WLS: variants seen among roughly 807,000 people sequenced by gnomAD.
WLS encodes protein wntless homolog.
A neutral mutation model predicts 62.8 loss-of-function variants in WLS; 23 were observed. That is an observed-to-expected ratio of 0.37 (90% CI 0.26 to 0.52). The LOEUF (loss-of-function observed/expected upper bound fraction) is 0.52. WLS is among the 20% of genes least tolerant of loss of function. The probability of loss-of-function intolerance (pLI) is 0.92; values close to 1 mark genes in which losing one functional copy is unlikely to be tolerated. For synonymous variants in WLS, 246 were observed against 244.1 expected, an observed-to-expected ratio of 1.01 and a Z score of -0.07; for missense variants, 615 against 697.3, an observed-to-expected ratio of 0.88 and a Z score of 1.33.
intron 1 of WLS, among the ~76,000 whole-genome samples, chr1:68,215,984 A>G (rs1056777196): frequency 1.3e-5 from 2 of 152,186 alleles, no homozygotes; most frequent in African/African-American, 4.8e-5. Flanking sequence ...GCAGGCTAAA[A>G]TGTGTTGAAT....
At chr1:68,193,316 C>T (rs936133198) in intron 2 of WLS, among the ~76,000 whole-genome samples, 11 of 135,668 alleles carry the variant, frequency 8.1e-5, no homozygotes, top group Non-Finnish European at 1.7e-4. Context: ...ATGTATTGGC[C>T]TCCCAGAAAT....
intron 1 of WLS, among the ~76,000 whole-genome samples, chr1:68,228,842 C>CAAAAAAAAAAAAAAAAAAA (rs66626696): frequency 4.7e-4 from 27 of 58,030 alleles, no homozygotes; most frequent in Admixed American, 7.1e-4. Flanking sequence ...ACACTGGTGC[C>CAAAAAAAAAAAAAAAAAAA]AAAAAAAAAA....
chr1:68,155,667 T>C (rs1276372661), intron 3 of WLS, among the ~76,000 whole-genome samples: 1 of 152,170 alleles, frequency 6.6e-6, no homozygotes, highest in Non-Finnish European at 1.5e-5. Flanking sequence ...ACAGTCAGCT[T>C]CTTAAACGTT....
intron 11 of WLS, among the ~76,000 whole-genome samples, chr1:68,136,961 G>A (rs994626426): frequency 4.6e-5 from 7 of 152,234 alleles, no homozygotes; most frequent in Admixed American, 3.3e-4. Context: ...GCAAATGCAT[G>A]GCTAGAGTAA....
intron 11 of WLS, among the ~76,000 whole-genome samples, chr1:68,136,782 T>A (rs1351077470): frequency 2.0e-5 from 3 of 152,186 alleles, no homozygotes; most frequent in African/African-American, 7.2e-5. Flanking sequence ...TAGTCCCAGA[T>A]GGAGGCAGAA....
intron 1 of WLS, among the ~76,000 whole-genome samples, chr1:68,226,088 C>T (rs1650127504): frequency 2.0e-5 from 3 of 152,304 alleles, no homozygotes; most frequent in Non-Finnish European, 4.4e-5. Context: ...CAGCTGGACT[C>T]CATTTCATTT....
Position 68,137,784 on chromosome 1 carries a change from G to A in WLS, c.1512C>T (p.Ser504=), listed in dbSNP as rs1477966843. 6.2e-7 allele frequency: 1 copy of A among 1,613,496 alleles called. No homozygotes were observed. Among genetic ancestry groups the A allele is most frequent in the Non-Finnish European group, 8.5e-7 (1 of 1,179,732 alleles). ...PSHKNYGEDQ[S]NGDLGVHSGE... is the part of the protein sequence containing the mutation. Reference sequence around the variant, plus strand: ...TCTAAAGAGACAGAAACTCACCATTGGACTGGTCTTCTCCATAGTTTTTAT... The same window carrying A: ...TCTAAAGAGACAGAAACTCACCATTAGACTGGTCTTCTCCATAGTTTTTAT... The change falls in exon 11 of 12, where the codon TCC becomes TCT. Residue 504 remains serine, a synonymous_variant. Transcript: ENST00000262348.
intron 10 of WLS, among the ~76,000 whole-genome samples, chr1:68,143,798 C>A (rs1400395461): frequency 1.3e-5 from 2 of 152,182 alleles, no homozygotes; most frequent in African/African-American, 2.4e-5. Context: ...ATTACAGCAA[C>A]CTTCTGTGGT....
chr1:68,126,066 A>G lies in WLS; in HGVS notation c.*160T>C. Reference sequence around the variant, plus strand: ...GAATCTTCCTCCAAAAGCTACCGTCAGAAGGCAAACTGACAAATGTCCATG... The same window carrying G: ...GAATCTTCCTCCAAAAGCTACCGTCGGAAGGCAAACTGACAAATGTCCATG... On this transcript the variant is annotated 3_prime_UTR_variant, in exon 12 of 12. Transcript: ENST00000262348. The G allele has an allele frequency of 6.9e-7, 1 of 1,440,944 alleles. No individual in the cohort carries two copies. Among genetic ancestry groups the G allele is most frequent in the Non-Finnish European group, 9.1e-7 (1 of 1,093,458 alleles). The allele number at this position is 1,440,944 out of a possible 1,614,324, so 89.3% of individuals were successfully genotyped here.
intron 1 of WLS, among the ~76,000 whole-genome samples, chr1:68,208,483 G>A (rs970411895): frequency 1.3e-5 from 2 of 152,140 alleles, no homozygotes; most frequent in African/African-American, 4.8e-5. Flanking sequence ...GTTTACCAGC[G>A]GGAGTGTTGG....
chr1:68,211,770 G>A (rs1337715265), intron 1 of WLS, among the ~76,000 whole-genome samples: 3 of 152,114 alleles, frequency 2.0e-5, no homozygotes, highest in Non-Finnish European at 2.9e-5. Flanking sequence ...TGTGGATCTT[G>A]GACATGGGTA....
intron 2 of WLS, among the ~76,000 whole-genome samples, chr1:68,165,599 T>C (rs1647049055): frequency 6.6e-6 from 1 of 152,154 alleles, no homozygotes; most frequent in South Asian, 2.1e-4. Flanking sequence ...TTGGAAGATA[T>C]GAACAGAGCT....
intron 5 of WLS, among the ~76,000 whole-genome samples, chr1:68,150,954 G>T (rs902442303): frequency 2.6e-5 from 4 of 152,242 alleles, no homozygotes; most frequent in African/African-American, 9.6e-5. Context: ...AAACACATAT[G>T]TTAATTAAGC....
chr1:68,120,319 G>A (rs971421686), intron 11 of WLS, among the ~76,000 whole-genome samples: 1 of 152,204 alleles, frequency 6.6e-6, no homozygotes, highest in Non-Finnish European at 1.5e-5. Flanking sequence ...GATTTGCTCA[G>A]TTATAGATGT....
intron 11 of WLS, among the ~76,000 whole-genome samples, chr1:68,108,070 A>G (rs961230324): frequency 6.6e-6 from 1 of 152,130 alleles, no homozygotes; most frequent in African/African-American, 2.4e-5. Flanking sequence ...GGGGACCACA[A>G]TCTTTATATG....
intron 2 of WLS, among the ~76,000 whole-genome samples, chr1:68,185,902 A>G (rs1647906969): frequency 6.6e-6 from 1 of 152,156 alleles, no homozygotes; most frequent in South Asian, 2.1e-4. Flanking sequence ...CGAGTGACTC[A>G]ATCTTTAGGC....
Position 68,125,965 on chromosome 1 carries a change from A to C in WLS, c.*261T>G. ...CAGCTGCTACAGATGTTACTATGTCACTAATTAACAATGATCACAGAAAAT... is the reference window on the plus strand; with the variant it reads ...CAGCTGCTACAGATGTTACTATGTCCCTAATTAACAATGATCACAGAAAAT... On this transcript the variant is annotated 3_prime_UTR_variant, in exon 12 of 12. Coordinates refer to ENST00000262348, the MANE Select transcript of WLS (RefSeq NM_024911.7). 1 of 1,244,622 alleles carries C rather than the reference A, an allele frequency of 8.0e-7. No homozygotes were observed. Among genetic ancestry groups the C allele is most frequent in the Non-Finnish European group, 1.0e-6 (1 of 990,260 alleles). The allele number at this position is 1,244,622 out of a possible 1,614,324, so 77.1% of individuals were successfully genotyped here.
At chr1:68,170,182 T>TTTTTG in intron 2 of WLS, among the ~76,000 whole-genome samples, 1 of 143,124 alleles carries the variant, frequency 7.0e-6, no homozygotes, top group Admixed American at 7.3e-5. Context: ...TTTTTTTTTT[T>TTTTTG]GAGATGGAGT....
At chr1:68,185,925 G>A (rs1427260368) in intron 2 of WLS, among the ~76,000 whole-genome samples, 1 of 152,136 alleles carries the variant, frequency 6.6e-6, no homozygotes, top group Admixed American at 6.5e-5. Flanking sequence ...CTTCCCTCCT[G>A]GCTGTTGGTG....
Sources: allele counts gnomAD v4.1 joint callset (sites outside exome capture counted in the v4.1 genomes callset), GRCh38; gene constraint gnomAD v4.1.1; transcripts MANE v1.5; gene names NCBI Gene and HGNC (gene_info 2026-07-23, HGNC 2026-07-21).